Variants in HS3ST5 observed in about 807,000 individuals in gnomAD.
HS3ST5 encodes the protein heparan sulfate-glucosamine 3-sulfotransferase 5, also known as heparan sulfate glucosamine 3-O-sulfotransferase 5.
In HS3ST5, 10 loss-of-function variants were observed where a neutral mutation model predicts 25.4. That is an observed-to-expected ratio of 0.39 (90% CI 0.24 to 0.67). The LOEUF is 0.67. Ranked by LOEUF, HS3ST5 falls within the 30% of genes least tolerant of loss-of-function variation. The pLI is 0.44. For synonymous variants in HS3ST5, 170 were observed against 162.4 expected (o/e 1.05, Z -0.36); for missense variants, 324 against 420.7 (o/e 0.77, Z 2.01).
intron 3 of HS3ST5, among the ~76,000 whole-genome samples, chr6:114,099,165 T>C (rs531330798): frequency 6.6e-6 from 1 of 152,222 alleles, no homozygotes; most frequent in Admixed American, 6.5e-5. Context: ...ACCTTAGGAA[T>C]ACACTAGAGG....
intron 3 of HS3ST5, among the ~76,000 whole-genome samples, chr6:114,072,157 C>T (rs1213514636): frequency 6.6e-6 from 1 of 152,182 alleles, no homozygotes; most frequent in Non-Finnish European, 1.5e-5. Context: ...ATGTATCTCT[C>T]ATCTTTGTCT....
chr6:114,067,412 G>C (rs577737607), intron 3 of HS3ST5, among the ~76,000 whole-genome samples: 1 of 152,090 alleles, frequency 6.6e-6, no homozygotes, highest in South Asian at 2.1e-4. Flanking sequence ...TGTGAAGCCT[G>C]CTGAAGAAGT....
rs908040222 is a variant in HS3ST5, at chr6:114,055,610, T to C, written c.*1647A>G. Reference sequence around the variant, plus strand: ...ATACCGACACCGGAGGGGAAAGGGCTATTTATTTAGAAAAGTTCACCATCA... The same window carrying C: ...ATACCGACACCGGAGGGGAAAGGGCCATTTATTTAGAAAAGTTCACCATCA... On this transcript the variant is annotated 3_prime_UTR_variant, in exon 5 of 5. Coordinates refer to ENST00000312719, the MANE Select transcript of HS3ST5 (RefSeq NM_153612.4). The C allele has an allele frequency of 3.9e-5, 6 of 152,242 alleles. No homozygotes were observed. The highest frequency in any genetic ancestry group is 6.5e-5 in the Admixed American group (1 of 15,286). 9.4% of individuals were successfully genotyped at this position (152,242 alleles called of 1,614,324 possible).
At chr6:114,080,185 T>G (rs1774373088) in intron 3 of HS3ST5, among the ~76,000 whole-genome samples, 1 of 152,170 alleles carries the variant, frequency 6.6e-6, no homozygotes, top group Non-Finnish European at 1.5e-5. Context: ...ATTAATCTCC[T>G]TGTACATCTC....
At chr6:114,123,813 TG>T (rs1414156055) in intron 3 of HS3ST5, among the ~76,000 whole-genome samples, 1 of 152,060 alleles carries the variant, frequency 6.6e-6, no homozygotes, top group Non-Finnish European at 1.5e-5. Flanking sequence ...TTGCATATGT[TG>T]GGGTATTTGG....
chr6:114,065,145 T>TGGTA (rs1318622417), intron 3 of HS3ST5, among the ~76,000 whole-genome samples: 2 of 152,196 alleles, frequency 1.3e-5, no homozygotes, highest in Non-Finnish European at 2.9e-5. Flanking sequence ...ATTGTCCAGG[T>TGGTA]GGTATTTCAG....
intron 3 of HS3ST5, among the ~76,000 whole-genome samples, chr6:114,147,081 C>T (rs533265103): frequency 6.6e-6 from 1 of 152,256 alleles, no homozygotes; most frequent in African/African-American, 2.4e-5. Context: ...TATTACTACA[C>T]TAACACTATA....
intron 1 of HS3ST5, among the ~76,000 whole-genome samples, chr6:114,288,084 T>C (rs1774415499): frequency 6.6e-6 from 1 of 152,118 alleles, no homozygotes. Flanking sequence ...GGAATTACTA[T>C]AGCTATCTCT....
chr6:114,247,815 T>C (rs1389532021), intron 1 of HS3ST5, among the ~76,000 whole-genome samples: 1 of 151,468 alleles, frequency 6.6e-6, no homozygotes. Flanking sequence ...TGAATAATAT[T>C]GAGTAGGGTT....
chr6:114,204,260 T>C (rs948354782), intron 2 of HS3ST5, among the ~76,000 whole-genome samples: 1 of 152,170 alleles, frequency 6.6e-6, no homozygotes, highest in African/African-American at 2.4e-5. Context: ...AGTGGTGGGA[T>C]AGAAGGTCAG....
At chr6:114,077,589 C>T (rs530452987) in intron 3 of HS3ST5, among the ~76,000 whole-genome samples, 15 of 152,230 alleles carry the variant, frequency 9.9e-5, no homozygotes, top group Non-Finnish European at 1.8e-4. Context: ...GATATAGGCT[C>T]CTGCAGTTAA....
chr6:114,086,004 G>T (rs1043865130), intron 3 of HS3ST5, among the ~76,000 whole-genome samples: 7 of 134,560 alleles, frequency 5.2e-5, no homozygotes, highest in Middle Eastern at 4.5e-3. Context: ...GACATTCAAA[G>T]ATTTTATTTT....
intron 1 of HS3ST5, among the ~76,000 whole-genome samples, chr6:114,325,657 AAAAAC>A (rs756168258): frequency 9.6e-4 from 146 of 152,272 alleles, no homozygotes; most frequent in African/African-American, 3.4e-3. Flanking sequence ...ACACACACAC[AAAAAC>A]AAAACAAAAC....
At chr6:114,077,772 C>T (rs1774224343) in intron 3 of HS3ST5, among the ~76,000 whole-genome samples, 1 of 152,026 alleles carries the variant, frequency 6.6e-6, no homozygotes, top group Non-Finnish European at 1.5e-5. Context: ...TTTTATTTAC[C>T]TCAAGTTTTG....
chr6:114,180,635 A>G (rs994106561), intron 2 of HS3ST5, among the ~76,000 whole-genome samples: 7 of 152,058 alleles, frequency 4.6e-5, no homozygotes, highest in Non-Finnish European at 7.4e-5. Flanking sequence ...CTATCGTGGG[A>G]CTTGAACTTG....
intron 3 of HS3ST5, among the ~76,000 whole-genome samples, chr6:114,104,142 T>A (rs939855176): frequency 1.3e-5 from 2 of 152,124 alleles, no homozygotes; most frequent in Non-Finnish European, 2.9e-5. Flanking sequence ...ACAAAAATCA[T>A]GACAGATAAG....
chr6:114,153,329 TTAAA>T (rs1250603339), intron 3 of HS3ST5, among the ~76,000 whole-genome samples: 3 of 152,304 alleles, frequency 2.0e-5, no homozygotes, highest in Admixed American at 2.0e-4. Flanking sequence ...GTAATCCCCA[TTAAA>T]TAACAATAGG....
intron 2 of HS3ST5, among the ~76,000 whole-genome samples, chr6:114,224,408 T>C (rs1582733964): frequency 6.6e-6 from 1 of 151,660 alleles, no homozygotes; most frequent in South Asian, 2.1e-4. Flanking sequence ...TAGGCTCACA[T>C]AATAAATTAT....
At chr6:114,213,190 C>T (rs1352205938) in intron 2 of HS3ST5, among the ~76,000 whole-genome samples, 1 of 152,022 alleles carries the variant, frequency 6.6e-6, no homozygotes, top group African/African-American at 2.4e-5. Flanking sequence ...TGCCGTCAAG[C>T]CATCCTTCTG....
Sources: allele counts gnomAD v4.1 joint callset (sites outside exome capture counted in the v4.1 genomes callset), GRCh38; gene constraint gnomAD v4.1.1; transcripts MANE v1.5; gene names NCBI Gene and HGNC (gene_info 2026-07-23, HGNC 2026-07-21).